METTL6: variants seen among roughly 807,000 people sequenced by gnomAD.
METTL6 encodes tRNA N(3)-cytidine methyltransferase METTL6.
A neutral mutation model predicts 26.4 loss-of-function variants in METTL6; 22 were observed. The ratio of observed to expected loss-of-function variants is 0.83; its 90% confidence interval spans 0.59 to 1.19. METTL6 has a LOEUF of 1.19. Among genes scored for constraint, METTL6 ranks in the 50% most tolerant of loss-of-function variants. METTL6 has a pLI of 0.00. For missense variants in METTL6, 304 were observed against 324.8 expected, an observed-to-expected ratio of 0.94 and a Z score of 0.49; for synonymous variants, 109 against 116.2, an observed-to-expected ratio of 0.94 and a Z score of 0.40.
chr3:15,385,880 C>T (rs6442521), intron 6 of METTL6, among the ~76,000 whole-genome samples: 1 of 152,068 alleles, frequency 6.6e-6, no homozygotes, highest in African/African-American at 2.4e-5. Context: ...TAAAAAAGAG[C>T]TCTTAGAATT....
downstream of METTL6, among the ~76,000 whole-genome samples, chr3:15,407,110 G>A (rs1415492274): frequency 2.6e-5 from 4 of 152,128 alleles, no homozygotes; most frequent in South Asian, 4.2e-4. Flanking sequence ...TCCACCTCCC[G>A]GGTTCAAGTG....
chr3:15,413,447 G>A (rs1700056797), intron 5 of METTL6, among the ~76,000 whole-genome samples: 1 of 151,856 alleles, frequency 6.6e-6, no homozygotes. Flanking sequence ...ATGGTGGCAT[G>A]TGTCTGTGGT....
At chr3:15,391,758 T>C (rs978103255) in intron 6 of METTL6, among the ~76,000 whole-genome samples, 1 of 151,476 alleles carries the variant, frequency 6.6e-6, no homozygotes, top group Non-Finnish European at 1.5e-5. Context: ...GTTTGGTTTT[T>C]TGTCCTTGTG....
intron 1 of METTL6, 102 bp from the exon 2 acceptor site, chr3:15,426,737 T>C: frequency 1.8e-6 from 1 of 561,732 alleles, no homozygotes; most frequent in Non-Finnish European, 3.2e-6. Context: ...CAAAAAAAAA[T>C]CCTTCCCGCT....
chr3:15,411,961 C>T (rs1362815649), intron 5 of METTL6, among the ~76,000 whole-genome samples: 2 of 152,046 alleles, frequency 1.3e-5, no homozygotes, highest in Non-Finnish European at 2.9e-5. Context: ...GACAGGGTTT[C>T]GCCATGTTGG....
chr3:15,406,234 T>A (rs922289486), downstream of METTL6, among the ~76,000 whole-genome samples: 1 of 152,024 alleles, frequency 6.6e-6, no homozygotes, highest in Non-Finnish European at 1.5e-5. Flanking sequence ...GTCTATATGA[T>A]TCCACACAGT....
At chr3:15,425,187 A>G (rs574290535) in intron 2 of METTL6, 98 bp from the exon 3 acceptor site, 3 of 1,301,748 alleles carry the variant, frequency 2.3e-6, no homozygotes, top group Admixed American at 2.2e-5. Context: ...CTCCGACCCC[A>G]TGGAGCAGAC....
In METTL6 at chr3:15,404,686, C is replaced by T. The variant is rs141626907; in HGVS notation, c.*11+6559G>A. ...AATTTTTATTTATTTATTTTAAAGA[C>T]AGGGTCCTGCTATGTTGCTCAGGCT... On this transcript the variant is annotated intron_variant, in intron 6 of 6. Coordinates refer to the METTL6 transcript ENST00000443029. 4.6e-3 allele frequency among the ~76,000 whole-genome samples: 698 copies of T among 152,008 alleles called. 5 individuals are homozygous for T. The highest frequency in any genetic ancestry group is 0.016 in the African/African-American group (657 of 41,432).
chr3:15,412,193 C>T (rs1699997042), intron 5 of METTL6, among the ~76,000 whole-genome samples: 1 of 152,222 alleles, frequency 6.6e-6, no homozygotes, highest in African/African-American at 2.4e-5. Flanking sequence ...TTCATCCTAA[C>T]ACGAAGGAGG....
intron 6 of METTL6, among the ~76,000 whole-genome samples, chr3:15,392,421 A>G (rs537715527): frequency 6.2e-4 from 95 of 152,202 alleles, no homozygotes; most frequent in African/African-American, 1.8e-3. Flanking sequence ...AGTAGGTTGC[A>G]AAAATTTTCT....
At chr3:15,400,477 G>A (rs377439821) in intron 6 of METTL6, among the ~76,000 whole-genome samples, 5 of 152,192 alleles carry the variant, frequency 3.3e-5, no homozygotes, top group African/African-American at 1.2e-4. Flanking sequence ...GAGGGTGAAC[G>A]AAAAGTTCCC....
Position 15,410,838 on chromosome 3 carries a change from A to G in METTL6, c.*418T>C, listed in dbSNP as rs186401444. Among the ~76,000 whole-genome samples the G allele has an allele frequency of 6.6e-6, 1 of 152,138 alleles. No homozygotes were observed. The highest frequency in any genetic ancestry group is 1.5e-5 in the Non-Finnish European group (1 of 67,996). The stretch of plus-strand genomic sequence containing the variant: ...ATGAGCTGTGATCACACACCACTGC[A>G]CTCCAGCCTGCGTACCACAAGATCC... On this transcript the variant is annotated 3_prime_UTR_variant, in exon 6 of 6. Coordinates refer to ENST00000383790, the MANE Select transcript of METTL6 (RefSeq NM_152396.4).
At chr3:15,414,799 G>A (rs751837094) in intron 4 of METTL6, 1 of 457,252 alleles carries the variant, frequency 2.2e-6, no homozygotes, top group South Asian at 1.6e-5. Flanking sequence ...AGTGCGTCCT[G>A]TAGTCCCAAC....
At chr3:15,412,055 G>A (rs61710645) in intron 5 of METTL6, among the ~76,000 whole-genome samples, 39,545 of 152,064 alleles carry the variant, frequency 0.26, 5,589 homozygotes, top group Non-Finnish European at 0.32. Flanking sequence ...ATGAGCCACT[G>A]GGCCCGGCCG....
chr3:15,402,212 G>A (rs938484661), intron 6 of METTL6, among the ~76,000 whole-genome samples: 14 of 152,178 alleles, frequency 9.2e-5, no homozygotes, highest in Non-Finnish European at 1.8e-4. Context: ...TTTCATTCAC[G>A]GCTGAATGAG....
At chr3:15,423,221 C>A (rs1485814449) in intron 3 of METTL6, among the ~76,000 whole-genome samples, 1 of 151,966 alleles carries the variant, frequency 6.6e-6, no homozygotes, top group African/African-American at 2.4e-5. Flanking sequence ...CATGGCGAAA[C>A]CCCATCTCTA....
At chr3:15,412,108 C>T (rs904496395) in intron 5 of METTL6, among the ~76,000 whole-genome samples, 3 of 152,212 alleles carry the variant, frequency 2.0e-5, no homozygotes, top group Admixed American at 1.3e-4. Flanking sequence ...TTCCCATCTC[C>T]GAACAAAAAC....
chr3:15,381,804 A>G (rs1699087714), exon 7 of METTL6: 1 of 152,178 alleles, frequency 6.6e-6, no homozygotes, highest in Non-Finnish European at 1.5e-5. Context: ...GGTACTATAA[A>G]TAATGCAGCT....
At chr3:15,406,615 TATATATATATATATAGAGAGAGAG>T (rs1378257663), downstream of METTL6, among the ~76,000 whole-genome samples, 39 of 54,654 alleles carry the variant, frequency 7.1e-4, no homozygotes, top group African/African-American at 2.6e-3. Flanking sequence ...TATATATATA[TATATATATATATATAGAGAGAGAG>T]AGAGAGAGAG....
Sources: gnomAD v4.1 joint callset for allele counts (sites outside exome capture counted in the v4.1 genomes callset) on GRCh38, gnomAD v4.1.1 for gene constraint, MANE v1.5 for transcripts, NCBI Gene and HGNC (gene_info 2026-07-23, HGNC 2026-07-21) for gene names.